Variants in PLXDC1 observed in about 807,000 individuals in gnomAD.
PLXDC1 encodes plexin domain containing 1.
In PLXDC1, 39 loss-of-function variants were observed where a neutral mutation model predicts 61.3. The ratio of observed to expected loss-of-function variants is 0.64; its 90% CI spans 0.49 to 0.83. The LOEUF (loss-of-function observed/expected upper bound fraction) is 0.83, where lower values mean the gene tolerates loss of function less well. Ranked by LOEUF, PLXDC1 falls within the 40% of genes least tolerant of loss-of-function variation. PLXDC1 has a pLI of 0.00. For synonymous variants in PLXDC1, 212 were observed against 254.5 expected, an observed-to-expected ratio of 0.83 and a Z score of 1.59; for missense variants, 596 against 666.5, an observed-to-expected ratio of 0.89 and a Z score of 1.17.
chr17:39,122,179 G>A (rs995073971), intron 2 of PLXDC1, among the ~76,000 whole-genome samples: 4 of 151,040 alleles, frequency 2.6e-5, no homozygotes, highest in African/African-American at 9.7e-5. Flanking sequence ...GAGGTAGGCG[G>A]ATCACTTGAA....
At chr17:39,074,047 CCT>C (rs1192495666) in intron 11 of PLXDC1, among the ~76,000 whole-genome samples, 1 of 152,068 alleles carries the variant, frequency 6.6e-6, no homozygotes, top group East Asian at 1.9e-4. Context: ...ATTCAATCTC[CCT>C]GTTAGAGCCT....
chr17:39,063,610 G>A lies in PLXDC1; in HGVS notation c.*4230C>T. The A allele has an allele frequency of 1.6e-6, 1 of 644,994 alleles. No homozygotes were observed. The highest frequency in any genetic ancestry group is 2.8e-6 in the Non-Finnish European group (1 of 359,932). 40.0% of individuals were successfully genotyped at this position (644,994 alleles called of 1,614,324 possible). Reference sequence around the variant, plus strand: ...TTGCACTTTCTTTTGCACACAGCAGGAGTTGTAAAAGAATGCTTCCTTTTA... The same window carrying A: ...TTGCACTTTCTTTTGCACACAGCAGAAGTTGTAAAAGAATGCTTCCTTTTA... On this transcript the variant is annotated 3_prime_UTR_variant, in exon 14 of 14. Transcript: ENST00000315392.
chr17:39,111,221 G>A (rs1910789070), intron 2 of PLXDC1, among the ~76,000 whole-genome samples: 1 of 152,106 alleles, frequency 6.6e-6, no homozygotes, highest in African/African-American at 2.4e-5. Context: ...CCTCCTGTCT[G>A]GAATGGCCAC....
At chr17:39,114,236 G>A (rs1401932845) in intron 2 of PLXDC1, among the ~76,000 whole-genome samples, 1 of 152,106 alleles carries the variant, frequency 6.6e-6, no homozygotes, top group East Asian at 1.9e-4. Flanking sequence ...TTCCCCACGT[G>A]TGGTGGTCTG....
intron 8 of PLXDC1, among the ~76,000 whole-genome samples, chr17:39,083,786 C>T (rs1909647708): frequency 6.6e-6 from 1 of 152,090 alleles, no homozygotes; most frequent in Non-Finnish European, 1.5e-5. Flanking sequence ...TCACTATAGC[C>T]TCGAACTTCT....
At chr17:39,135,841 G>T (rs755147640) in intron 2 of PLXDC1, among the ~76,000 whole-genome samples, 1 of 152,148 alleles carries the variant, frequency 6.6e-6, no homozygotes, top group Non-Finnish European at 1.5e-5. Context: ...TCCATCCAGG[G>T]TGGAGCCTGA....
chr17:39,105,815 AC>A (rs1567762351), intron 7 of PLXDC1, 38 bp downstream of exon 7: 4 of 1,339,266 alleles, frequency 3.0e-6, no homozygotes, highest in Middle Eastern at 1.8e-4. Context: ...GCGGAGTCCT[AC>A]CCCCATCAAG....
intron 2 of PLXDC1, among the ~76,000 whole-genome samples, chr17:39,118,076 C>T (rs62077963): frequency 2.3e-5 from 2 of 88,806 alleles, no homozygotes; most frequent in South Asian, 8.8e-4. Context: ...CTCCCTCCCT[C>T]CCTCCCTCCC....
rs887093905 is a variant in PLXDC1, at chr17:39,147,387, G to A, written c.76+3975C>T. Among the ~76,000 whole-genome samples, 7 of 151,888 alleles carry A rather than the reference G, an allele frequency of 4.6e-5. No homozygotes were observed. In the East Asian group the frequency reaches 9.7e-4, roughly 21 times the overall value. ...CCTCTAGCCCCAAATGCTGCCCCACGATGATGAAACTCTTTCTCTGCTGCC... is the reference window on the plus strand; with the variant it reads ...CCTCTAGCCCCAAATGCTGCCCCACAATGATGAAACTCTTTCTCTGCTGCC... On this transcript the variant is annotated intron_variant, in intron 1 of 13. Transcript: ENST00000315392.
chr17:39,120,041 CA>C (rs1373316642), intron 2 of PLXDC1, among the ~76,000 whole-genome samples: 2 of 152,136 alleles, frequency 1.3e-5, no homozygotes, highest in African/African-American at 4.8e-5. Flanking sequence ...GATCAGAAGA[CA>C]GACAGAATGG....
intron 9 of PLXDC1, chr17:39,079,582 A>C (rs552901917): frequency 2.2e-6 from 1 of 456,906 alleles, no homozygotes; most frequent in Non-Finnish European, 4.4e-6. Flanking sequence ...GACTTAGTCA[A>C]CACCTCCCCA....
intron 9 of PLXDC1, chr17:39,079,470 G>A: frequency 4.0e-6 from 2 of 496,716 alleles, no homozygotes; most frequent in Non-Finnish European, 7.9e-6. Context: ...GAGCTGCCGT[G>A]ACACTGCTGA....
intron 2 of PLXDC1, among the ~76,000 whole-genome samples, chr17:39,112,497 G>A (rs1480964697): frequency 2.2e-4 from 27 of 122,570 alleles, no homozygotes; most frequent in African/African-American, 6.6e-4. Flanking sequence ...TTGCTCTGTC[G>A]CCCAGGCTGG....
At chr17:39,105,223 T>C (rs1910552278) in intron 7 of PLXDC1, among the ~76,000 whole-genome samples, 2 of 152,162 alleles carry the variant, frequency 1.3e-5, no homozygotes, top group Non-Finnish European at 2.9e-5. Flanking sequence ...GGAGCGGCAG[T>C]GCATGGGATG....
In PLXDC1 at chr17:39,065,275, T is replaced by C. The variant is rs1908851216; in HGVS notation, c.*2565A>G. On this transcript the variant is annotated 3_prime_UTR_variant, in exon 14 of 14. Coordinates refer to ENST00000315392, the MANE Select transcript of PLXDC1 (RefSeq NM_020405.5). Reference sequence around the variant, plus strand: ...TAGAGATGTGTCACCAAGAGAGGCCTATGGATTTCTTAAGCCAAAACACTT... The same window carrying C: ...TAGAGATGTGTCACCAAGAGAGGCCCATGGATTTCTTAAGCCAAAACACTT... 6.6e-6 allele frequency: 1 copy of C among 152,112 alleles called. No individual in the cohort carries two copies. The highest frequency in any genetic ancestry group is 1.5e-5 in the Non-Finnish European group (1 of 68,034). The allele number at this position is 152,112 out of a possible 1,614,324, so 9.4% of individuals were successfully genotyped here.
At chr17:39,120,681 T>G (rs1597652637) in intron 2 of PLXDC1, among the ~76,000 whole-genome samples, 1 of 142,692 alleles carries the variant, frequency 7.0e-6, no homozygotes, top group Non-Finnish European at 1.5e-5. Context: ...GTCCTCGACC[T>G]CCAGGGCTCA....
In PLXDC1 at chr17:39,072,453, C is replaced by G; in HGVS notation, c.1219G>C (p.Asp407His). 1 of 1,554,272 alleles carries G rather than the reference C, an allele frequency of 6.4e-7. No individual in the cohort carries two copies. The highest frequency in any genetic ancestry group is 8.7e-7 in the Non-Finnish European group (1 of 1,145,702). Residue 407 changes from aspartate (D) to histidine (H), a missense_variant, in exon 12 of 14, where the codon GAC becomes CAC. Physicochemically the swap from Asp to His is moderately conservative, Grantham distance 81. Coordinates refer to ENST00000315392, the MANE Select transcript of PLXDC1 (RefSeq NM_020405.5). ...DTKLNPYAGG[D>H]GLQNNLSPKT... ...GGGCAGGCAGTTCTGTACTCACCGTCTCCTCCTGCATAGGGATTCAACTTG... is the reference window on the plus strand; with the variant it reads ...GGGCAGGCAGTTCTGTACTCACCGTGTCCTCCTGCATAGGGATTCAACTTG...
Position 39,109,282 on chromosome 17 carries a change from TG to T in PLXDC1, c.364del (p.His122ThrfsTer32). 1.9e-6 allele frequency: 3 copies of T among 1,613,160 alleles called. No homozygotes were observed. Among genetic ancestry groups the T allele is most frequent in the Non-Finnish European group, 2.5e-6 (3 of 1,179,828 alleles). The part of the protein sequence containing the change: ...AEANRSQVKI[H>X]TILSNTHRQA... The stretch of plus-strand genomic sequence containing the variant: ...CCGGTGGGTGTTGGAGAGTATTGTG[TG>T]GATCTTCACTTGGCTCCGGTTGGCC... On this transcript the variant is annotated frameshift_variant, in exon 3 of 14. Coordinates refer to ENST00000315392, the MANE Select transcript of PLXDC1 (RefSeq NM_020405.5). LOFTEE classifies it high-confidence loss of function.
chr17:39,140,949 A>G (rs945469300), intron 1 of PLXDC1, among the ~76,000 whole-genome samples: 1 of 152,210 alleles, frequency 6.6e-6, no homozygotes, highest in Non-Finnish European at 1.5e-5. Flanking sequence ...GACCATCACC[A>G]CCATCTATCT....
Sources: gnomAD v4.1 joint callset for allele counts (sites outside exome capture counted in the v4.1 genomes callset) on GRCh38, gnomAD v4.1.1 for gene constraint, MANE v1.5 for transcripts, NCBI Gene and HGNC (gene_info 2026-07-23, HGNC 2026-07-21) for gene names.